Variants in ASB18 observed in about 807,000 individuals in gnomAD.
ASB18 encodes the protein ankyrin repeat and SOCS box protein 18.
A neutral mutation model predicts 33.4 loss-of-function variants in ASB18; 33 were observed. That is an observed-to-expected ratio of 0.99 (90% CI 0.75 to 1.32). The LOEUF (loss-of-function observed/expected upper bound fraction) is 1.32, where lower values mean the gene tolerates loss of function less well. ASB18 is among the 40% of genes most tolerant of loss of function. ASB18 has a pLI of 0.00. For synonymous variants in ASB18, 295 were observed against 307.6 expected, an observed-to-expected ratio of 0.96 and a Z score of 0.43; for missense variants, 694 against 655.5, an observed-to-expected ratio of 1.06 and a Z score of -0.64.
chr2:236,264,003 G>C lies in ASB18; in HGVS notation c.205+138C>G. ...GTCTATGCAGTACACATATATGCAT[G>C]TATGTATGAGAGTCAGATATCCGAG... On this transcript the variant is annotated intron_variant, in intron 1 of 5. Coordinates refer to ENST00000409749, the MANE Select transcript of ASB18 (RefSeq NM_212556.4). The surrounding 1 kb of genome is among the most constrained non-coding windows in gnomAD (Gnocchi z 5.1). The C allele has an allele frequency of 1.4e-6, 1 of 697,760 alleles. No individual in the cohort carries two copies. The highest frequency in any genetic ancestry group is 2.5e-6 in the Non-Finnish European group (1 of 402,978). 43.2% of individuals were successfully genotyped at this position (697,760 alleles called of 1,614,324 possible). A position where few individuals can be genotyped will look rare whatever the true frequency, so the allele number is the denominator to read the frequency against.
rs1249898491 is a variant in ASB18, at chr2:236,205,748, G to A, written c.1101+8614C>T. ...TTTTATGAACCCTTGATATCTAAAA[G>A]TGTCTTTCATCATCAAAATGAAAGT... On this transcript the variant is annotated intron_variant, in intron 4 of 5. Transcript: ENST00000409749. The surrounding 1 kb of genome is among the most constrained non-coding windows in gnomAD (Gnocchi z 5.4). Among the ~76,000 whole-genome samples the A allele has an allele frequency of 6.6e-6, 1 of 152,284 alleles. No individual in the cohort carries two copies. Among genetic ancestry groups the A allele is most frequent in the Admixed American group, 6.5e-5 (1 of 15,302 alleles).
Position 236,194,823 on chromosome 2 carries a change from T to A in ASB18, c.*49A>T. On this transcript the variant is annotated 3_prime_UTR_variant, in exon 6 of 6. Transcript: ENST00000409749. The surrounding 1 kb of genome is among the most constrained non-coding windows in gnomAD (Gnocchi z 4.5). ...GGCACTCTCCAACACACGGCCTCCA[T>A]GGAAGGTCAGCGAGGAGAACAACAG... 6.6e-7 allele frequency: 1 copy of A among 1,526,714 alleles called. No homozygotes were observed. The highest frequency in any genetic ancestry group is 8.9e-7 in the Non-Finnish European group (1 of 1,120,680). The allele number at this position is 1,526,714 out of a possible 1,614,324, so 94.6% of individuals were successfully genotyped here.
chr2:236,241,440 C>T lies in ASB18; in HGVS notation c.206-38G>A. The T allele has an allele frequency of 6.2e-7, 1 of 1,613,308 alleles. No homozygotes were observed. The highest frequency in any genetic ancestry group is 8.5e-7 in the Non-Finnish European group (1 of 1,179,466). On this transcript the variant is annotated intron_variant, in intron 1 of 5. Transcript: ENST00000409749. This position sits in a 1 kb window ranked among gnomAD's most constrained non-coding sequence, Gnocchi z 4.2. Reference sequence around the variant, plus strand: ...CAGTGTGGTACTCCTGCACCGGGGACCCTGCTCTAGCTTGAGGATCCTTCT... The same window carrying T: ...CAGTGTGGTACTCCTGCACCGGGGATCCTGCTCTAGCTTGAGGATCCTTCT...
chr2:236,221,919 CAGGGG>C lies in ASB18; in HGVS notation c.597-7058_597-7054del, dbSNP rs1454807200. Among the ~76,000 whole-genome samples the C allele has an allele frequency of 1.3e-5, 2 of 152,168 alleles. No individual in the cohort carries two copies. The highest frequency in any genetic ancestry group is 4.8e-5 in the African/African-American group (2 of 41,440). On this transcript the variant is annotated intron_variant, in intron 3 of 5. Transcript: ENST00000409749. This position sits in a 1 kb window ranked among gnomAD's most constrained non-coding sequence, Gnocchi z 5.6. ...AGGCAGATGGGCTAGAGACATGTCC[CAGGGG>C]AAGGGTGGCTGCAGCTGAAGGCTGG...
In ASB18 at chr2:236,249,440, A is replaced by G. The variant is rs2060659298; in HGVS notation, c.206-8038T>C. Reference sequence around the variant, plus strand: ...CAGCCTTATTCCACTCTTCACTTCCATTTCTGTTTCCATTCTCTCTGGTAC... The same window carrying G: ...CAGCCTTATTCCACTCTTCACTTCCGTTTCTGTTTCCATTCTCTCTGGTAC... On this transcript the variant is annotated intron_variant, in intron 1 of 5. Coordinates refer to ENST00000409749, the MANE Select transcript of ASB18 (RefSeq NM_212556.4). This position sits in a 1 kb window ranked among gnomAD's most constrained non-coding sequence, Gnocchi z 4.6. 6.6e-6 allele frequency: 1 copy of G among 152,076 alleles called. No homozygotes were observed. Among genetic ancestry groups the G allele is most frequent in the African/African-American group, 2.4e-5 (1 of 41,378 alleles). The allele number at this position is 152,076 out of a possible 1,614,324, so 9.4% of individuals were successfully genotyped here.
rs1231487407 is a variant in ASB18, at chr2:236,215,176, C to T, written c.597-310G>A. ...TGGGAAGGTGATGTGGTTCAAATGACGGTGCTCCATGCACTGGTTACCTGA... is the reference window on the plus strand; with the variant it reads ...TGGGAAGGTGATGTGGTTCAAATGATGGTGCTCCATGCACTGGTTACCTGA... On this transcript the variant is annotated intron_variant, in intron 3 of 5. Coordinates refer to ENST00000409749, the MANE Select transcript of ASB18 (RefSeq NM_212556.4). This position sits in a 1 kb window ranked among gnomAD's most constrained non-coding sequence, Gnocchi z 7.2. 2.0e-5 allele frequency among the ~76,000 whole-genome samples: 3 copies of T among 152,216 alleles called. No homozygotes were observed. The highest frequency in any genetic ancestry group is 6.5e-5 in the Admixed American group (1 of 15,294).
intron 2 of ASB18, among the ~76,000 whole-genome samples, chr2:236,240,812 CAG>C (rs1329236827): frequency 2.0e-5 from 3 of 152,228 alleles, no homozygotes; most frequent in South Asian, 2.1e-4. Flanking sequence ...GGAGGATCTA[CAG>C]AGAGTCCTGG....
rs188877369 is a variant in ASB18 at position 236,222,811 on chromosome 2, G to C, written c.597-7945C>G. ...GAGGTATGTGGATCACCTGAGTTCA[G>C]GAGTTTGAGACCAGCCTGGCCAACA... On this transcript the variant is annotated intron_variant, in intron 3 of 5. Transcript: ENST00000409749. This position sits in a 1 kb window ranked among gnomAD's most constrained non-coding sequence, Gnocchi z 5.5. Among the ~76,000 whole-genome samples the C allele has an allele frequency of 3.1e-4, 47 of 152,308 alleles. 1 individual carries two copies. In the East Asian group the frequency reaches 7.3e-3, roughly 24 times the overall value.
chr2:236,208,608 C>T lies in ASB18; in HGVS notation c.1101+5754G>A, dbSNP rs1248992776. On this transcript the variant is annotated intron_variant, in intron 4 of 5. Coordinates refer to ENST00000409749, the MANE Select transcript of ASB18 (RefSeq NM_212556.4). The surrounding 1 kb of genome is among the most constrained non-coding windows in gnomAD (Gnocchi z 7.7). Reference sequence around the variant, plus strand: ...GCCCTCCATTAGAGCAAAAGCACCACCTCCTCCCGCCCCTCCCCCACCGGG... The same window carrying T: ...GCCCTCCATTAGAGCAAAAGCACCATCTCCTCCCGCCCCTCCCCCACCGGG... Among the ~76,000 whole-genome samples, 1 of 152,048 alleles carries T rather than the reference C, an allele frequency of 6.6e-6. No individual in the cohort carries two copies. Among genetic ancestry groups the T allele is most frequent in the East Asian group, 1.9e-4 (1 of 5,160 alleles).
At chr2:236,258,238 G>A (rs540731368) in intron 1 of ASB18, among the ~76,000 whole-genome samples, 56 of 152,284 alleles carry the variant, frequency 3.7e-4, no homozygotes, top group Admixed American at 2.0e-4. Flanking sequence ...GGCAGTGTGG[G>A]TCGGGAGGCT....
intron 1 of ASB18, among the ~76,000 whole-genome samples, chr2:236,261,882 A>C (rs547315366): frequency 6.6e-6 from 1 of 152,220 alleles, no homozygotes; most frequent in South Asian, 2.1e-4. Flanking sequence ...CCCTTATAAA[A>C]CCATCAGATC....
At position 236,222,781 on chromosome 2, in the gene ASB18, A is replaced by T. The variant is rs2060518461; in HGVS notation, c.597-7915T>A. On this transcript the variant is annotated intron_variant, in intron 3 of 5. Transcript: ENST00000409749. This position sits in a 1 kb window ranked among gnomAD's most constrained non-coding sequence, Gnocchi z 5.5. The stretch of plus-strand genomic sequence containing the variant: ...ACGCCTGTAATCCCAACACTTTGGG[A>T]GGCCGAGGTATGTGGATCACCTGAG... 6.6e-6 allele frequency among the ~76,000 whole-genome samples: 1 copy of T among 152,160 alleles called. No individual in the cohort carries two copies. Among genetic ancestry groups the T allele is most frequent in the African/African-American group, 2.4e-5 (1 of 41,436 alleles).
intron 1 of ASB18, chr2:236,254,049 C>G (rs2060681136): frequency 6.6e-6 from 1 of 152,096 alleles, no homozygotes; most frequent in Non-Finnish European, 1.5e-5. Flanking sequence ...AAGTGCCAGA[C>G]AGTAAATATT....
In ASB18 at chr2:236,214,924, C is replaced by A; in HGVS notation, c.597-58G>T. 1 of 1,191,032 alleles carries A rather than the reference C, an allele frequency of 8.4e-7. No individual in the cohort carries two copies. The highest frequency in any genetic ancestry group is 1.0e-6 in the Non-Finnish European group (1 of 960,124). 73.8% of individuals were successfully genotyped at this position (1,191,032 alleles called of 1,614,324 possible). A position where few individuals can be genotyped will look rare whatever the true frequency, so the allele number is the denominator to read the frequency against. On this transcript the variant is annotated intron_variant, in intron 3 of 5. Transcript: ENST00000409749. This position sits in a 1 kb window ranked among gnomAD's most constrained non-coding sequence, Gnocchi z 6.5. ...CACGCAGGACGCCCGCACCCTTCCA[C>A]CCCCGGCCTGCTGCTGCAAAATATC...
rs2060714083 is a variant in ASB18, at chr2:236,260,867, C to A, written c.205+3274G>T. Among the ~76,000 whole-genome samples the A allele has an allele frequency of 6.6e-6, 1 of 152,174 alleles. No individual in the cohort carries two copies. The highest frequency in any genetic ancestry group is 2.4e-5 in the African/African-American group (1 of 41,448). The stretch of plus-strand genomic sequence containing the variant: ...TCTGAGGGGAGGCCCCAGCAGAAAG[C>A]AGTTCCCAAGCTCATCCCACCATGG... On this transcript the variant is annotated intron_variant, in intron 1 of 5. Coordinates refer to ENST00000409749, the MANE Select transcript of ASB18 (RefSeq NM_212556.4). This position sits in a 1 kb window ranked among gnomAD's most constrained non-coding sequence, Gnocchi z 5.1.
Position 236,264,401 on chromosome 2 carries a change from A to G in ASB18, c.-56T>C. 1.3e-6 allele frequency: 2 copies of G among 1,497,714 alleles called. No homozygotes were observed. Among genetic ancestry groups the G allele is most frequent in the South Asian group, 1.1e-5 (1 of 87,500 alleles). 92.8% of individuals were successfully genotyped at this position (1,497,714 alleles called of 1,614,324 possible). A position where few individuals can be genotyped will look rare whatever the true frequency, so the allele number is the denominator to read the frequency against. On this transcript the variant is annotated 5_prime_UTR_variant, in exon 1 of 6. Coordinates refer to ENST00000409749, the MANE Select transcript of ASB18 (RefSeq NM_212556.4). This position sits in a 1 kb window ranked among gnomAD's most constrained non-coding sequence, Gnocchi z 5.1. ...TCTTTTCTTCCTCTAAAGCGACTCC[A>G]AAGTCAGCAGCTGTCCGTGAGAGTG...
At chr2:236,218,285 G>C (rs923757313) in intron 3 of ASB18, among the ~76,000 whole-genome samples, 9 of 152,126 alleles carry the variant, frequency 5.9e-5, no homozygotes, top group African/African-American at 2.2e-4. Context: ...AGTGGGCAAT[G>C]ATTTAAGTAG....
intron 1 of ASB18, among the ~76,000 whole-genome samples, chr2:236,246,273 TTGAACCTGGGAGGCAGTGGGC>T (rs1255370243): frequency 6.9e-6 from 1 of 144,400 alleles, no homozygotes; most frequent in Non-Finnish European, 1.5e-5. Context: ...GAATTGCTGC[TTGAACCTGGGAGGCAGTGGGC>T]TGAGATCATG....
At chr2:236,227,850 T>A (rs1221687274) in intron 3 of ASB18, among the ~76,000 whole-genome samples, 1 of 152,260 alleles carries the variant, frequency 6.6e-6, no homozygotes, top group Non-Finnish European at 1.5e-5. Flanking sequence ...TGACATATTC[T>A]GGTCCAATGT....
Sources: gnomAD v4.1 joint callset for allele counts (sites outside exome capture counted in the v4.1 genomes callset) on GRCh38, gnomAD v4.1.1 for gene constraint, Gnocchi (gnomAD v3.1) non-coding constraint, MANE v1.5 for transcripts, NCBI Gene and HGNC (gene_info 2026-07-23, HGNC 2026-07-21) for gene names.